The following TMEM232 variants were observed in gnomAD, a reference collection of about 807,000 sequenced individuals.
TMEM232 encodes the protein transmembrane protein 232.
In TMEM232, 80 loss-of-function variants were observed where a neutral mutation model predicts 78.8. That is an observed-to-expected ratio of 1.01 (90% CI 0.85 to 1.22). The LOEUF (loss-of-function observed/expected upper bound fraction) is 1.22. Ranked by LOEUF, TMEM232 falls within the 50% of genes most tolerant of loss-of-function variation. TMEM232 has a pLI of 0.00. For synonymous variants in TMEM232, 297 were observed against 254.3 expected, an observed-to-expected ratio of 1.17 and a Z score of -1.60; for missense variants, 881 against 742.2, an observed-to-expected ratio of 1.19 and a Z score of -2.17.
intron 2 of TMEM232, among the ~76,000 whole-genome samples, chr5:110,405,197 T>C (rs778546330): frequency 9.9e-5 from 15 of 152,100 alleles, no homozygotes; most frequent in Non-Finnish European, 1.6e-4. Flanking sequence ...TGAAGCAGGC[T>C]GATCACAGGT....
chr5:110,483,022 T>C (rs1303310526), intron 12 of TMEM232, among the ~76,000 whole-genome samples: 2 of 152,188 alleles, frequency 1.3e-5, no homozygotes, highest in Non-Finnish European at 2.9e-5. Context: ...ACTACATAAG[T>C]ATAAAAGTAT....
chr5:110,601,644 G>C (rs10064325), intron 10 of TMEM232, among the ~76,000 whole-genome samples: 16,580 of 152,116 alleles, frequency 0.11, 1,026 homozygotes, highest in South Asian at 0.2. Flanking sequence ...GGAAATAAGA[G>C]AGGACACAAA....
intron 12 of TMEM232, among the ~76,000 whole-genome samples, chr5:110,475,765 C>T (rs1763187108): frequency 6.6e-6 from 1 of 151,440 alleles, no homozygotes; most frequent in African/African-American, 2.4e-5. Flanking sequence ...GCTGAGTACT[C>T]ATTAATTGCA....
chr5:110,518,552 A>G (rs2149492158), intron 12 of TMEM232, among the ~76,000 whole-genome samples: 1 of 152,344 alleles, frequency 6.6e-6, no homozygotes, highest in East Asian at 1.9e-4. Context: ...CAAGACTACT[A>G]AAGCCAGCCT....
At chr5:110,568,670 C>A (rs1442114211) in intron 10 of TMEM232, 45 bp from the exon 11 acceptor site, 1 of 1,490,076 alleles carries the variant, frequency 6.7e-7, no homozygotes. Flanking sequence ...TTTTATTCAC[C>A]TTGCTAAAGT....
intron 12 of TMEM232, among the ~76,000 whole-genome samples, chr5:110,454,565 C>A (rs939443211): frequency 4.6e-5 from 7 of 151,504 alleles, no homozygotes; most frequent in African/African-American, 1.7e-4. Flanking sequence ...CAAAACACTT[C>A]TAAATAACCT....
intron 11 of TMEM232, among the ~76,000 whole-genome samples, chr5:110,560,148 G>C (rs1461807445): frequency 6.6e-6 from 1 of 152,140 alleles, no homozygotes. Context: ...CATAACAGTT[G>C]TGAAGCAACT....
At chr5:110,701,384 C>T (rs866500774) in intron 1 of TMEM232, among the ~76,000 whole-genome samples, 5 of 151,814 alleles carry the variant, frequency 3.3e-5, no homozygotes, top group Middle Eastern at 3.4e-3. Context: ...GGAATAAAAC[C>T]AACAATCAAA....
At chr5:110,674,808 A>G (rs1418121128) in intron 1 of TMEM232, among the ~76,000 whole-genome samples, 1 of 152,212 alleles carries the variant, frequency 6.6e-6, no homozygotes, top group Non-Finnish European at 1.5e-5. Context: ...AGACAAACTT[A>G]GAGAACAAAT....
chr5:110,431,312 C>A (rs1757814610), intron 12 of TMEM232, among the ~76,000 whole-genome samples: 1 of 151,528 alleles, frequency 6.6e-6, no homozygotes, highest in Non-Finnish European at 1.5e-5. Context: ...TGATGAACAC[C>A]TCAGGCTCTC....
Position 110,509,541 on chromosome 5 carries a change from G to A in TMEM232, c.1703+19047C>T, listed in dbSNP as rs549139710. 1.1e-4 allele frequency among the ~76,000 whole-genome samples: 16 copies of A among 152,016 alleles called. No homozygotes were observed. The East Asian group carries it at 1.2e-3, about 11-fold the overall frequency. ...CTTCTAAGTAATAATCTGCCTTCAC[G>A]ATTTCTTGGTATTTTGATATGTGTA... On this transcript the variant is annotated intron_variant, in intron 12 of 13. Transcript: ENST00000455884.
At chr5:110,667,089 C>A in intron 2 of TMEM232, 139 bp downstream of exon 2, 2 of 644,770 alleles carry the variant, frequency 3.1e-6, no homozygotes. Flanking sequence ...TTACAATAAA[C>A]AAGGCTATTA....
chr5:110,472,506 A>G (rs1762792957), intron 12 of TMEM232, among the ~76,000 whole-genome samples: 1 of 151,992 alleles, frequency 6.6e-6, no homozygotes, highest in Non-Finnish European at 1.5e-5. Flanking sequence ...TGCAATACCT[A>G]TCAAAATACC....
At chr5:110,415,994 C>T (rs1756194361), downstream of TMEM232, among the ~76,000 whole-genome samples, 1 of 151,876 alleles carries the variant, frequency 6.6e-6, no homozygotes, top group Admixed American at 6.5e-5. Flanking sequence ...TTCAGTGAAA[C>T]AGGAAAAAAA....
chr5:110,649,275 TTGA>T (rs1405936992), intron 2 of TMEM232, among the ~76,000 whole-genome samples: 3 of 152,082 alleles, frequency 2.0e-5, no homozygotes, highest in Non-Finnish European at 4.4e-5. Flanking sequence ...GGTTTATATG[TTGA>T]TGAAGACAGC....
intron 12 of TMEM232, among the ~76,000 whole-genome samples, chr5:110,475,883 C>A (rs752822644): frequency 9.2e-5 from 14 of 151,856 alleles, no homozygotes; most frequent in South Asian, 2.1e-4. Context: ...CAATTTCTAA[C>A]CAAAGTGGAA....
intron 12 of TMEM232, among the ~76,000 whole-genome samples, chr5:110,500,141 A>T (rs926904953): frequency 8.6e-5 from 13 of 151,816 alleles, no homozygotes; most frequent in Admixed American, 8.5e-4. Flanking sequence ...AAAATACAAA[A>T]ATTAGCCAGG....
chr5:110,467,824 A>G (rs1055247255), intron 12 of TMEM232, among the ~76,000 whole-genome samples: 3 of 152,114 alleles, frequency 2.0e-5, no homozygotes, highest in Non-Finnish European at 2.9e-5. Flanking sequence ...TCTGTGAGCT[A>G]TAAGAGAGAA....
rs573642196 is a variant in TMEM232 at position 110,552,489 on chromosome 5, A to C, written c.1455+15958T>G. The stretch of plus-strand genomic sequence containing the variant: ...TGGTTAAAAATATCATGCTTAAAAG[A>C]AGCATACCTTATATAAAGACACAAA... On this transcript the variant is annotated intron_variant, in intron 11 of 13. Coordinates refer to ENST00000455884, the MANE Select transcript of TMEM232 (RefSeq NM_001039763.4). 7.9e-5 allele frequency among the ~76,000 whole-genome samples: 12 copies of C among 152,262 alleles called. No individual in the cohort carries two copies. In the South Asian group the frequency reaches 2.1e-3, roughly 26 times the overall value.
Sources: gnomAD v4.1 joint callset for allele counts (sites outside exome capture counted in the v4.1 genomes callset) on GRCh38, gnomAD v4.1.1 for gene constraint, MANE v1.5 for transcripts, NCBI Gene and HGNC (gene_info 2026-07-23, HGNC 2026-07-21) for gene names.